ESCO1: variants seen among roughly 807,000 people sequenced by gnomAD.
The protein encoded by ESCO1 is N-acetyltransferase ESCO1.
A neutral mutation model predicts 83.5 loss-of-function variants in ESCO1; 33 were observed. The observed-to-expected ratio is 0.40, with a 90% confidence interval of 0.30 to 0.53. The LOEUF is 0.53. ESCO1 is among the 20% of genes least tolerant of loss of function. The pLI is 0.63. For synonymous variants in ESCO1, 332 were observed against 324.3 expected (o/e 1.02, Z -0.25); for missense variants, 855 against 968.0 (o/e 0.88, Z 1.55).
At position 21,571,414 on chromosome 18, in the gene ESCO1, C is replaced by T. The variant is rs373072645; in HGVS notation, c.1530+1900G>A. ...ATGCTGTCCAAGCTGGTCTCGAACT[C>T]CTGACCTCAGGTGATCCAACTGCCT... On this transcript the variant is annotated intron_variant, in intron 4 of 11. Transcript: ENST00000269214. 2.4e-4 allele frequency among the ~76,000 whole-genome samples: 36 copies of T among 152,220 alleles called. 3 individuals are homozygous for T. The South Asian group carries it at 7.5e-3, about 32-fold the overall frequency.
chr18:21,568,061 T>C lies in ESCO1; in HGVS notation c.1564A>G (p.Asn522Asp). ...FSQCLESKLE[N>D]SPVENVTAAS... ...GCAGTAACATTTTCCACTGGACTGT[T>C]TTCTAGCTTGGATTCCAAACATTGG... The change falls in exon 5 of 12, where the codon AAC (asparagine) becomes GAC (aspartate). Residue 522 changes from asparagine to aspartate, a missense_variant. Asn to Asp is a conservative substitution (Grantham distance 23, BLOSUM62 1). Around this residue, in one of 2 missense-constraint regions of ESCO1, gnomAD observed 726 missense variants for 699.5 expected, o/e 1.04. Transcript: ENST00000269214. 6.2e-7 allele frequency: 1 copy of C among 1,613,928 alleles called. No individual in the cohort carries two copies. Among genetic ancestry groups the C allele is most frequent in the Non-Finnish European group, 8.5e-7 (1 of 1,179,938 alleles).
intron 8 of ESCO1, among the ~76,000 whole-genome samples, chr18:21,541,855 C>T (rs568993347): frequency 1.3e-5 from 2 of 152,136 alleles, no homozygotes; most frequent in South Asian, 4.1e-4. Context: ...TGAACTGAAT[C>T]ATCTAAAGAC....
intron 8 of ESCO1, among the ~76,000 whole-genome samples, chr18:21,556,769 C>T (rs1472783300): frequency 2.0e-5 from 3 of 152,044 alleles, no homozygotes; most frequent in South Asian, 2.1e-4. Context: ...GGCACGATCT[C>T]GGCTCACTGC....
chr18:21,563,267 A>G (rs1378743583), intron 7 of ESCO1, among the ~76,000 whole-genome samples: 2 of 152,246 alleles, frequency 1.3e-5, no homozygotes, highest in Non-Finnish European at 2.9e-5. Context: ...ATAAAGTATC[A>G]CAATTTGTTA....
chr18:21,560,585 A>T (rs1244441304), intron 8 of ESCO1, among the ~76,000 whole-genome samples: 4 of 152,148 alleles, frequency 2.6e-5, no homozygotes, highest in East Asian at 3.8e-4. Flanking sequence ...ATACAAGTTA[A>T]ATAGCATTAC....
chr18:21,547,552 T>C (rs944110423), intron 8 of ESCO1, among the ~76,000 whole-genome samples: 1 of 152,062 alleles, frequency 6.6e-6, no homozygotes, highest in Non-Finnish European at 1.5e-5. Flanking sequence ...TGCAATAAAG[T>C]ATATGCTTGA....
intron 1 of ESCO1, among the ~76,000 whole-genome samples, chr18:21,595,726 G>A (rs994741316): frequency 1.3e-5 from 2 of 151,048 alleles, no homozygotes; most frequent in African/African-American, 4.9e-5. Flanking sequence ...CACTTTGGGA[G>A]GCCAAGGAGG....
At chr18:21,533,151 C>G (rs1175793767) in intron 10 of ESCO1, among the ~76,000 whole-genome samples, 3 of 151,802 alleles carry the variant, frequency 2.0e-5, no homozygotes, top group African/African-American at 7.3e-5. Context: ...TTTAAAAAGC[C>G]ATTTCATCAC....
intron 8 of ESCO1, among the ~76,000 whole-genome samples, chr18:21,549,738 G>C (rs866207144): frequency 6.6e-6 from 1 of 152,092 alleles, no homozygotes. Context: ...AGGCCGAGGC[G>C]GGTGGATTAC....
At chr18:21,533,292 G>C (rs1280965073) in intron 10 of ESCO1, among the ~76,000 whole-genome samples, 1 of 151,746 alleles carries the variant, frequency 6.6e-6, no homozygotes, top group African/African-American at 2.4e-5. Flanking sequence ...AACACAATTG[G>C]TTGTTTTTTT....
In ESCO1 at chr18:21,529,985, A is replaced by G. The variant is rs2037746071; in HGVS notation, c.*358T>C. The G allele has an allele frequency of 6.1e-6, 1 of 164,470 alleles. No individual in the cohort carries two copies. The highest frequency in any genetic ancestry group is 2.4e-5 in the African/African-American group (1 of 42,014). 10.2% of individuals were successfully genotyped at this position (164,470 alleles called of 1,614,324 possible). On this transcript the variant is annotated 3_prime_UTR_variant, in exon 12 of 12. Coordinates refer to ENST00000269214, the MANE Select transcript of ESCO1 (RefSeq NM_052911.3). The stretch of plus-strand genomic sequence containing the variant: ...ATAAAAAAATACAGTACCAAGCTAC[A>G]CTGGTATATTTCCATATTAAGAACT...
At chr18:21,591,143 C>T (rs918512133) in intron 1 of ESCO1, among the ~76,000 whole-genome samples, 3 of 152,140 alleles carry the variant, frequency 2.0e-5, no homozygotes, top group African/African-American at 7.2e-5. Flanking sequence ...GAGATGTGAT[C>T]ATCCTGGATT....
intron 11 of ESCO1, 48 bp from the exon 12 acceptor site, chr18:21,530,538 A>T: frequency 7.0e-7 from 1 of 1,431,824 alleles, no homozygotes; most frequent in Non-Finnish European, 9.3e-7. Flanking sequence ...TGAAATGTTA[A>T]AAAAAAAAAA....
intron 1 of ESCO1, chr18:21,597,090 A>G (rs970163345): frequency 2.6e-5 from 4 of 152,236 alleles, no homozygotes; most frequent in Non-Finnish European, 4.4e-5. Flanking sequence ...ACATGTAGAC[A>G]TGGTTTCAGA....
chr18:21,577,222 T>C (rs1219309254), intron 2 of ESCO1, among the ~76,000 whole-genome samples: 2 of 151,280 alleles, frequency 1.3e-5, no homozygotes, highest in Non-Finnish European at 2.9e-5. Context: ...CTGGGCATGG[T>C]GGTGCATGCC....
At chr18:21,593,928 C>G (rs2038723260) in intron 1 of ESCO1, among the ~76,000 whole-genome samples, 1 of 152,058 alleles carries the variant, frequency 6.6e-6, no homozygotes, top group South Asian at 2.1e-4. Context: ...GTGCCAATAT[C>G]TAGTCACTAT....
At chr18:21,564,451 C>T (rs1209970018) in intron 6 of ESCO1, 134 bp from the exon 7 acceptor site, 8 of 579,040 alleles carry the variant, frequency 1.4e-5, no homozygotes, top group East Asian at 7.1e-5. Flanking sequence ...AGTGCAGTGG[C>T]GCAATCTTGG....
intron 9 of ESCO1, among the ~76,000 whole-genome samples, 172 bp downstream of exon 9, chr18:21,539,748 G>A (rs938091304): frequency 2.6e-5 from 4 of 152,006 alleles, no homozygotes; most frequent in African/African-American, 4.8e-5. Context: ...CTCGGGAGGT[G>A]GAGGCAGGAG....
intron 1 of ESCO1, among the ~76,000 whole-genome samples, chr18:21,591,285 GGT>G (rs2038664133): frequency 6.6e-6 from 1 of 152,142 alleles, no homozygotes; most frequent in African/African-American, 2.4e-5. Context: ...GGAGTAATGT[GGT>G]CATAGGCCCA....
Sources: gnomAD v4.1 joint callset for allele counts (sites outside exome capture counted in the v4.1 genomes callset) on GRCh38, gnomAD v4.1.1 for gene constraint, gnomAD v4.1.1 regional missense constraint, MANE v1.5 for transcripts, NCBI Gene and HGNC (gene_info 2026-07-23, HGNC 2026-07-21) for gene names.